The following CBX1 variants were observed in gnomAD, a reference collection of about 807,000 sequenced individuals.
CBX1 encodes the protein chromobox 1.
A neutral mutation model predicts 25.1 loss-of-function variants in CBX1; 10 were observed. The observed-to-expected ratio is 0.40, with a 90% CI of 0.25 to 0.68. The LOEUF (loss-of-function observed/expected upper bound fraction) is 0.68, where lower values mean the gene tolerates loss of function less well. CBX1 is among the 30% of genes least tolerant of loss of function. The probability of loss-of-function intolerance (pLI) is 0.40; values close to 1 mark genes in which losing one functional copy is unlikely to be tolerated. For synonymous variants in CBX1, 63 were observed against 79.4 expected, an observed-to-expected ratio of 0.79 and a Z score of 1.10; for missense variants, 106 against 218.5, an observed-to-expected ratio of 0.49 and a Z score of 3.25.
At chr17:48,077,063 A>G in intron 1 of CBX1, 22 bp from the exon 2 acceptor site, 1 of 1,563,476 alleles carries the variant, frequency 6.4e-7, no homozygotes, top group Non-Finnish European at 8.7e-7. Flanking sequence ...AATGAAATAA[A>G]AAGGGCATTA....
chr17:48,085,440 G>A (rs188710273), intron 1 of CBX1, among the ~76,000 whole-genome samples: 3 of 152,182 alleles, frequency 2.0e-5, no homozygotes, highest in South Asian at 4.1e-4. Flanking sequence ...CCTCCAGCCT[G>A]TATAAGGAAA....
At chr17:48,091,524 G>A (rs1166792437) in intron 1 of CBX1, among the ~76,000 whole-genome samples, 1 of 141,534 alleles carries the variant, frequency 7.1e-6, no homozygotes, top group Non-Finnish European at 1.5e-5. Context: ...ACAGGTGCCC[G>A]CCACCATGCC....
At chr17:48,081,855 A>T (rs1291287692) in intron 1 of CBX1, among the ~76,000 whole-genome samples, 1 of 152,166 alleles carries the variant, frequency 6.6e-6, no homozygotes, top group Non-Finnish European at 1.5e-5. Flanking sequence ...GAGCATCTAC[A>T]TCCAGAGATA....
At position 48,070,632 on chromosome 17, in the gene CBX1, G is replaced by A. The variant is rs190817885; in HGVS notation, c.*803C>T. 7.2e-5 allele frequency: 11 copies of A among 152,708 alleles called. No homozygotes were observed. The highest frequency in any genetic ancestry group is 2.6e-4 in the African/African-American group (11 of 41,558). 9.5% of individuals were successfully genotyped at this position (152,708 alleles called of 1,614,324 possible). On this transcript the variant is annotated 3_prime_UTR_variant, in exon 5 of 5. Coordinates refer to ENST00000225603, the MANE Select transcript of CBX1 (RefSeq NM_001127228.2). ...TAATTTCGGGAATTAGCACCTCTAA[G>A]GCAGAATGATCTGCTTGTACTGTAT... is the stretch of plus-strand genomic sequence containing the variant.
chr17:48,079,656 G>C (rs1031693030), intron 1 of CBX1, among the ~76,000 whole-genome samples: 12 of 151,984 alleles, frequency 7.9e-5, no homozygotes, highest in Non-Finnish European at 1.2e-4. Context: ...ACCATGCCTG[G>C]CTAATTTTTT....
intron 1 of CBX1, among the ~76,000 whole-genome samples, chr17:48,093,079 AAAAAAAAAAAG>A (rs746666096): frequency 0.14 from 18,860 of 130,458 alleles, 2,008 homozygotes; most frequent in Non-Finnish European, 0.21. Flanking sequence ...TCAAAAAAAA[AAAAAAAAAAAG>A]AAAAGAAAAG....
At position 48,070,220 on chromosome 17, in the gene CBX1, TCAAGA is replaced by T. The variant is rs2037612307; in HGVS notation, c.*1210_*1214del. The T allele has an allele frequency of 1.3e-5, 2 of 152,692 alleles. No individual in the cohort carries two copies. Among genetic ancestry groups the T allele is most frequent in the East Asian group, 3.8e-4 (2 of 5,206 alleles). The allele number at this position is 152,692 out of a possible 1,614,324, so 9.5% of individuals were successfully genotyped here. On this transcript the variant is annotated 3_prime_UTR_variant, in exon 5 of 5. Coordinates refer to ENST00000225603, the MANE Select transcript of CBX1 (RefSeq NM_001127228.2). ...ATCAAGAACTGATGGTTCTCATGACTCAAGACAGAGCATTTTGGGTATGTTACTTA... is the reference window on the plus strand; with the variant it reads ...ATCAAGAACTGATGGTTCTCATGACTCAGAGCATTTTGGGTATGTTACTTA...
At chr17:48,077,433 G>GT (rs113914818) in intron 1 of CBX1, among the ~76,000 whole-genome samples, 11 of 128,860 alleles carry the variant, frequency 8.5e-5, no homozygotes, top group East Asian at 2.2e-4. Context: ...AATTTTTGTT[G>GT]TTTTTTTTTT....
At chr17:48,086,966 G>A (rs2063315388) in intron 1 of CBX1, among the ~76,000 whole-genome samples, 1 of 152,002 alleles carries the variant, frequency 6.6e-6, no homozygotes, top group South Asian at 2.1e-4. Context: ...GAGGTGGGCA[G>A]ATCACAAGGT....
At chr17:48,096,463 A>G in intron 1 of CBX1, 1 of 774,858 alleles carries the variant, frequency 1.3e-6, no homozygotes, top group Non-Finnish European at 1.6e-6. Context: ...TTATGACTAC[A>G]TTGGAAACGT....
chr17:48,074,913 G>A, intron 4 of CBX1, 93 bp downstream of exon 4: 2 of 892,738 alleles, frequency 2.2e-6, no homozygotes, highest in Non-Finnish European at 3.7e-6. Context: ...ACACTTGGGT[G>A]ATTGGAATTT....
chr17:48,073,551 G>T (rs1398897275), intron 4 of CBX1, among the ~76,000 whole-genome samples: 1 of 152,130 alleles, frequency 6.6e-6, no homozygotes, highest in African/African-American at 2.4e-5. Context: ...AGTCGGCCAG[G>T]TGCAGTGGCT....
chr17:48,071,654 AG>A (rs1426041083), intron 4 of CBX1, 75 bp from the exon 5 acceptor site: 30 of 1,285,712 alleles, frequency 2.3e-5, no homozygotes, highest in Non-Finnish European at 3.0e-5. Context: ...CCCAGGGGAC[AG>A]TGCTTTAAAA....
At chr17:48,082,501 CAAAAAAAAA>C (rs572999255) in intron 1 of CBX1, among the ~76,000 whole-genome samples, 3 of 53,754 alleles carry the variant, frequency 5.6e-5, no homozygotes, top group South Asian at 9.0e-4. Flanking sequence ...GACTCCATCT[CAAAAAAAAA>C]AAAAAAAAAA....
chr17:48,099,814 T>G (rs1019676512), intron 1 of CBX1, among the ~76,000 whole-genome samples: 1 of 152,104 alleles, frequency 6.6e-6, no homozygotes, highest in Non-Finnish European at 1.5e-5. Context: ...TAACACCAAT[T>G]TATGAAAAAC....
intron 1 of CBX1, among the ~76,000 whole-genome samples, chr17:48,094,322 TAGTC>T (rs1231665952): frequency 4.0e-5 from 6 of 151,376 alleles, no homozygotes; most frequent in Admixed American, 6.6e-5. Flanking sequence ...TAATCCCAGA[TAGTC>T]AGGAGGCTAA....
At chr17:48,079,317 G>A (rs537212824) in intron 1 of CBX1, among the ~76,000 whole-genome samples, 5 of 147,512 alleles carry the variant, frequency 3.4e-5, no homozygotes, top group Non-Finnish European at 7.5e-5. Context: ...TGTTGGCCAA[G>A]CTGGTCTCGA....
At chr17:48,100,733 T>C in intron 1 of CBX1, 1 of 984,430 alleles carries the variant, frequency 1.0e-6, no homozygotes, top group Non-Finnish European at 1.2e-6. Context: ...ATTCCACACA[T>C]CTCCTCCTCC....
chr17:48,084,360 C>T (rs549007413), intron 1 of CBX1, among the ~76,000 whole-genome samples: 6 of 148,432 alleles, frequency 4.0e-5, no homozygotes, highest in East Asian at 2.0e-4. Context: ...ATTACAGGTG[C>T]GTGCCACCAC....
Sources: gnomAD v4.1 joint callset for allele counts (sites outside exome capture counted in the v4.1 genomes callset) on GRCh38, gnomAD v4.1.1 for gene constraint, MANE v1.5 for transcripts, NCBI Gene and HGNC (gene_info 2026-07-23, HGNC 2026-07-21) for gene names.